The following MCM4 variants were observed in gnomAD, a reference collection of about 807,000 sequenced individuals.
MCM4 encodes minichromosome maintenance complex component 4.
MCM4 carries 60 observed loss-of-function variants against 88.7 expected under a neutral mutation model. The ratio of observed to expected loss-of-function variants is 0.68; its 90% confidence interval spans 0.55 to 0.84. The LOEUF is 0.84. MCM4 is among the 40% of genes least tolerant of loss of function. MCM4 has a pLI of 0.00. For synonymous variants in MCM4, 465 were observed against 410.5 expected (o/e 1.13, Z -1.61); for missense variants, 1,149 against 1,105.5 (o/e 1.04, Z -0.56).
chr8:47,968,214 G>A (rs1026367926), intron 10 of MCM4, among the ~76,000 whole-genome samples: 4 of 152,158 alleles, frequency 2.6e-5, no homozygotes, highest in Non-Finnish European at 5.9e-5. Context: ...CGACGGTCGC[G>A]GAGTGCCTGA....
chr8:47,961,635 G>A lies in MCM4; in HGVS notation c.190G>A (p.Ala64Thr), dbSNP rs1464698644. The A allele has an allele frequency of 6.2e-7, 1 of 1,613,548 alleles. No individual in the cohort carries two copies. Reference sequence around the variant, plus strand: ...TGGAGTGGACCTGCAGAGCCCTGCTGCGCAGGACGTGCTGTTTTCCAGCCC... The same window carrying A: ...TGGAGTGGACCTGCAGAGCCCTGCTACGCAGGACGTGCTGTTTTCCAGCCC... ...SPGVDLQSPA[A>T]QDVLFSSPPQ... is the part of the protein sequence containing the mutation. Residue 64 changes from alanine (A) to threonine (T), a missense_variant, in exon 3 of 17, where the codon GCG (alanine) becomes ACG (threonine). By Grantham distance (58) the Ala-to-Thr change is moderately conservative. Around this residue, in one of 3 missense-constraint regions of MCM4, gnomAD observed 906 missense variants for 843.0 expected, o/e 1.07. Transcript: ENST00000649973.
rs1409229748 is a variant in MCM4, at chr8:47,972,935, G to A, written c.2007G>A (p.Leu669=). Residue 669 remains leucine, a synonymous_variant, in exon 14 of 17, where the codon CTG becomes CTA. Coordinates refer to ENST00000649973, the MANE Select transcript of MCM4 (RefSeq NM_182746.3). ...GTCTGGCTCACCACCTGGTCGCACT[G>A]TACTACCAGAGCGAGGAGCAGGCAG... ...DRRLAHHLVA[L]YYQSEEQAEE... 2 of 1,614,226 alleles carry A rather than the reference G, an allele frequency of 1.2e-6. No individual in the cohort carries two copies. Among genetic ancestry groups the A allele is most frequent in the Non-Finnish European group, 1.7e-6 (2 of 1,180,038 alleles).
At position 47,977,619 on chromosome 8, in the gene MCM4, C is replaced by T. The variant is rs985186218; in HGVS notation, c.*841C>T. The T allele has an allele frequency of 5.3e-5, 8 of 152,184 alleles. No homozygotes were observed. The highest frequency in any genetic ancestry group is 1.2e-4 in the African/African-American group (5 of 41,424). The allele number at this position is 152,184 out of a possible 1,614,324, so 9.4% of individuals were successfully genotyped here. On this transcript the variant is annotated 3_prime_UTR_variant, in exon 17 of 17. Coordinates refer to ENST00000649973, the MANE Select transcript of MCM4 (RefSeq NM_182746.3). Reference sequence around the variant, plus strand: ...GGGCTCAGGTGTATGTCACTATGCCCGGCTACTTTTTGTATTTTTTGGTAG... The same window carrying T: ...GGGCTCAGGTGTATGTCACTATGCCTGGCTACTTTTTGTATTTTTTGGTAG...
chr8:47,975,681 C>G, intron 15 of MCM4, 34 bp from the exon 16 acceptor site: 1 of 1,477,412 alleles, frequency 6.8e-7, no homozygotes, highest in African/African-American at 1.5e-5. Flanking sequence ...TTCATAATAG[C>G]AAAAATGTTT....
intron 7 of MCM4, among the ~76,000 whole-genome samples, 196 bp downstream of exon 7, chr8:47,963,236 T>C (rs2090863881): frequency 6.6e-6 from 1 of 152,138 alleles, no homozygotes; most frequent in Non-Finnish European, 1.5e-5. Context: ...ATGGATCACT[T>C]GAGGTCGGAA....
intron 10 of MCM4, chr8:47,969,565 G>A: frequency 7.2e-6 from 4 of 553,746 alleles, no homozygotes; most frequent in Non-Finnish European, 1.3e-5. Flanking sequence ...TTTCGAGCTT[G>A]TCCGTTTCCT....
At position 47,976,572 on chromosome 8, in the gene MCM4, C is replaced by T. The variant is rs2091002431; in HGVS notation, c.2500-114C>T. The stretch of plus-strand genomic sequence containing the variant: ...TTAGAGCATAAGGCATGTGTACAGC[C>T]ACCAAAAAGAGAAAGATTCTGGGTG... On this transcript the variant is annotated intron_variant, in intron 16 of 16. Transcript: ENST00000649973. The T allele has an allele frequency of 5.0e-5, 35 of 697,970 alleles. 1 individual carries two copies. In the South Asian group the frequency reaches 5.7e-4, roughly 11 times the overall value. The allele number at this position is 697,970 out of a possible 1,614,324, so 43.2% of individuals were successfully genotyped here.
chr8:47,961,897 T>C, intron 3 of MCM4, 156 bp from the exon 4 acceptor site: 2 of 907,366 alleles, frequency 2.2e-6, no homozygotes, highest in Non-Finnish European at 3.3e-6. Flanking sequence ...GTGCTTTTTT[T>C]TAATAGAACA....
chr8:47,976,159 G>T lies in MCM4; in HGVS notation c.2499+311G>T, dbSNP rs115483530. On this transcript the variant is annotated intron_variant, in intron 16 of 16. Transcript: ENST00000649973. ...AATACAAAAATTAGCTGGATGTGGT[G>T]ATAAGCACCTGAAATCCTAGCTACT... Among the ~76,000 whole-genome samples, 706 of 152,152 alleles carry T rather than the reference G, an allele frequency of 4.6e-3. 5 individuals carry two copies. Among genetic ancestry groups the T allele is most frequent in the African/African-American group, 0.016 (669 of 41,510 alleles).
chr8:47,969,832 A>C lies in MCM4; in HGVS notation c.1209A>C (p.Pro403=). 1 of 1,614,256 alleles carries C rather than the reference A, an allele frequency of 6.2e-7. No homozygotes were observed. The change falls in exon 11 of 17, where the codon CCA becomes CCC. Residue 403 remains proline, a synonymous_variant. Coordinates refer to ENST00000649973, the MANE Select transcript of MCM4 (RefSeq NM_182746.3). ...IYRAVPIRVN[P]RVSNVKSVYK... is the part of the protein sequence containing the mutation. ...GAGCTGTGCCTATTCGAGTCAATCC[A>C]AGAGTGAGTAATGTGAAGTCTGTCT...
At chr8:47,976,501 G>A (rs2091001720) in intron 16 of MCM4, among the ~76,000 whole-genome samples, 185 bp from the exon 17 acceptor site, 1 of 152,160 alleles carries the variant, frequency 6.6e-6, no homozygotes, top group South Asian at 2.1e-4. Context: ...GGACTATACA[G>A]ATGCCAAGTC....
rs995673963 is a variant in MCM4, at chr8:47,978,014, T to G, written c.*1236T>G. 3 of 152,204 alleles carry G rather than the reference T, an allele frequency of 2.0e-5. No homozygotes were observed. The highest frequency in any genetic ancestry group is 4.8e-5 in the African/African-American group (2 of 41,454). The allele number at this position is 152,204 out of a possible 1,614,324, so 9.4% of individuals were successfully genotyped here. On this transcript the variant is annotated 3_prime_UTR_variant, in exon 17 of 17. Transcript: ENST00000649973. Reference sequence around the variant, plus strand: ...TGGAAATTTGTAGGGGTAAGTATTTTATAGGTCATAAAAAACACCATAATA... The same window carrying G: ...TGGAAATTTGTAGGGGTAAGTATTTGATAGGTCATAAAAAACACCATAATA...
chr8:47,974,759 G>A lies in MCM4; in HGVS notation c.2162G>A (p.Gly721Asp), dbSNP rs1471507896. 1 of 1,614,162 alleles carries A rather than the reference G, an allele frequency of 6.2e-7. No individual in the cohort carries two copies. Among genetic ancestry groups the A allele is most frequent in the Admixed American group, 1.7e-5 (1 of 60,020 alleles). The change falls in exon 15 of 17, where the codon GGC (glycine) becomes GAC (aspartate). Residue 721 changes from glycine (G) to aspartate (D), a missense_variant. By Grantham distance (94) the Gly-to-Asp change is moderately conservative. Around this residue, in one of 3 missense-constraint regions of MCM4, gnomAD observed 238 missense variants for 241.6 expected, o/e 0.99. Coordinates refer to ENST00000649973, the MANE Select transcript of MCM4 (RefSeq NM_182746.3). ...IEAYVDMRKI[G>D]SSRGMVSAYP... ...GCTTATGTAGACATGAGGAAGATTG[G>A]CAGTAGCCGGGGAATGGTTTCTGCA...
rs749757270 is a variant in MCM4, at chr8:47,964,607, G to C, written c.727G>C (p.Glu243Gln). 6 of 1,600,276 alleles carry C rather than the reference G, an allele frequency of 3.7e-6. No homozygotes were observed. Among genetic ancestry groups the C allele is most frequent in the Non-Finnish European group, 2.5e-6 (3 of 1,176,640 alleles). The change falls in exon 8 of 17, where the codon GAA (glutamate) becomes CAA (glutamine). Residue 243 changes from glutamate (E) to glutamine (Q), a missense_variant. By Grantham distance (29) the Glu-to-Gln change is conservative. This residue lies in a region of MCM4 where 906 missense variants were observed against 843.0 expected (regional missense o/e 1.07). Coordinates refer to ENST00000649973, the MANE Select transcript of MCM4 (RefSeq NM_182746.3). ...VIPTFDMAVN[E>Q]IFFDRYPDSI... ...TCCAACTTTTGACATGGCTGTCAAT[G>C]AAATCTTCTTTGACCGTTACCCTGA...
At chr8:47,961,452 G>C in intron 2 of MCM4, 64 bp from the exon 3 acceptor site, 2 of 1,611,492 alleles carry the variant, frequency 1.2e-6, no homozygotes, top group South Asian at 2.2e-5. Flanking sequence ...CCAAGGAAAA[G>C]ACAAATCCAG....
intron 10 of MCM4, 137 bp downstream of exon 10, chr8:47,967,622 A>G: frequency 8.9e-7 from 1 of 1,122,446 alleles, no homozygotes; most frequent in Non-Finnish European, 1.3e-6. Flanking sequence ...ACTGTGGGGT[A>G]TATCCCTGCT....
In MCM4 at chr8:47,975,727, CCT is replaced by C; in HGVS notation, c.2382_2383del (p.Arg795Ter). On this transcript the variant is annotated frameshift_variant, in exon 16 of 17. Coordinates refer to ENST00000649973, the MANE Select transcript of MCM4 (RefSeq NM_182746.3). LOFTEE classifies it high-confidence loss of function. ...CTTTTTAAATCAGGGATGAGTGCCA[CCT>C]CTCGTAAACGGAAAGAAGAATTAGC... 3 of 1,565,532 alleles carry C rather than the reference CCT, an allele frequency of 1.9e-6. No individual in the cohort carries two copies. Among genetic ancestry groups the C allele is most frequent in the Non-Finnish European group, 2.6e-6 (3 of 1,163,438 alleles).
rs761746581 is a variant in MCM4, at chr8:47,964,649, C to G, written c.769C>G (p.Gln257Glu). 3 of 1,606,630 alleles carry G rather than the reference C, an allele frequency of 1.9e-6. No homozygotes were observed. The highest frequency in any genetic ancestry group is 1.3e-5 in the African/African-American group (1 of 74,824). ...DRYPDSILEH[Q>E]IQVRPFNALK... The stretch of plus-strand genomic sequence containing the variant: ...TTACCCTGACTCAATCTTAGAACAT[C>G]AGATTCAAGTAAGACCATTCAACGC... The change falls in exon 8 of 17, where the codon CAG becomes GAG. Residue 257 changes from glutamine (Q) to glutamate (E), a missense_variant. Physicochemically the swap from Gln to Glu is conservative, Grantham distance 29. Transcript: ENST00000649973.
At chr8:47,965,214 C>CA (rs113918401) in intron 8 of MCM4, among the ~76,000 whole-genome samples, 2,192 of 125,172 alleles carry the variant, frequency 0.018, 53 homozygotes, top group African/African-American at 0.054. Context: ...GACCCTGTCT[C>CA]AAAAAAAAAA....
Sources: allele counts gnomAD v4.1 joint callset (sites outside exome capture counted in the v4.1 genomes callset), GRCh38; gene constraint gnomAD v4.1.1; regional missense constraint gnomAD v4.1.1; transcripts MANE v1.5; gene names NCBI Gene and HGNC (gene_info 2026-07-23, HGNC 2026-07-21).